SMAP1: variants seen among roughly 807,000 people sequenced by gnomAD.
The protein encoded by SMAP1 is small ArfGAP 1, also known as stromal membrane-associated protein 1.
Under a neutral mutation model 58.5 loss-of-function variants are expected in SMAP1, and 24 were observed. The ratio of observed to expected loss-of-function variants is 0.41; its 90% confidence interval spans 0.30 to 0.58. The LOEUF is 0.58. Among genes scored for constraint, SMAP1 ranks in the 20% least tolerant of loss-of-function variants. The probability of loss-of-function intolerance (pLI) is 0.29; values close to 1 mark genes in which losing one functional copy is unlikely to be tolerated. For synonymous variants in SMAP1, 216 were observed against 196.6 expected (o/e 1.10, Z -0.82); for missense variants, 563 against 566.3 (o/e 0.99, Z 0.06).
chr6:70,821,610 G>T (rs1191757618), intron 6 of SMAP1, among the ~76,000 whole-genome samples: 1 of 152,116 alleles, frequency 6.6e-6, no homozygotes, highest in Admixed American at 6.5e-5. Context: ...AGCCAAGATG[G>T]TTTGCTCTGT....
chr6:70,787,630 G>T (rs1410252742), intron 4 of SMAP1, among the ~76,000 whole-genome samples: 1 of 152,234 alleles, frequency 6.6e-6, no homozygotes, highest in Admixed American at 6.5e-5. Flanking sequence ...CCATCAAAAA[G>T]TGGGCAAAGG....
At chr6:70,680,714 T>G (rs1766668149) in intron 1 of SMAP1, among the ~76,000 whole-genome samples, 3 of 42,584 alleles carry the variant, frequency 7.0e-5, no homozygotes, top group Non-Finnish European at 1.4e-4. Flanking sequence ...GATTTCCTGT[T>G]TTTTTTTTTT....
chr6:70,786,742 T>TA (rs1768052913), intron 4 of SMAP1, among the ~76,000 whole-genome samples: 1 of 152,088 alleles, frequency 6.6e-6, no homozygotes, highest in African/African-American at 2.4e-5. Flanking sequence ...AAATCCAACT[T>TA]ACAAAGGATG....
intron 1 of SMAP1, among the ~76,000 whole-genome samples, chr6:70,676,120 T>G (rs1393451866): frequency 6.6e-6 from 1 of 152,232 alleles, no homozygotes; most frequent in Non-Finnish European, 1.5e-5. Context: ...CCCGGACGCT[T>G]GCTCCTAATT....
At chr6:70,843,052 C>A (rs1397836536) in intron 7 of SMAP1, among the ~76,000 whole-genome samples, 1 of 152,054 alleles carries the variant, frequency 6.6e-6, no homozygotes, top group African/African-American at 2.4e-5. Flanking sequence ...CAGCAAGAAG[C>A]GCCCAGATGG....
intron 1 of SMAP1, among the ~76,000 whole-genome samples, chr6:70,668,992 C>G (rs1766154212): frequency 6.6e-6 from 1 of 151,942 alleles, no homozygotes; most frequent in Non-Finnish European, 1.5e-5. Flanking sequence ...TTAGTTTTTT[C>G]GGTTGGAGGG....
intron 4 of SMAP1, among the ~76,000 whole-genome samples, chr6:70,781,146 C>T (rs928187227): frequency 1.6e-4 from 25 of 152,116 alleles, no homozygotes; most frequent in African/African-American, 5.8e-4. Flanking sequence ...TTATAGGACA[C>T]CCCAATAGAG....
At chr6:70,783,661 G>C (rs1767867584) in intron 4 of SMAP1, among the ~76,000 whole-genome samples, 1 of 152,170 alleles carries the variant, frequency 6.6e-6, no homozygotes. Flanking sequence ...GAATGCAGAA[G>C]CCTCAGGAGC....
At chr6:70,848,721 A>G (rs1055339543) in intron 7 of SMAP1, among the ~76,000 whole-genome samples, 4 of 152,256 alleles carry the variant, frequency 2.6e-5, no homozygotes, top group African/African-American at 7.2e-5. Context: ...GTTTATAATG[A>G]TGGTAATGAT....
chr6:70,738,615 GA>G (rs1032255633), intron 2 of SMAP1, among the ~76,000 whole-genome samples: 1 of 152,064 alleles, frequency 6.6e-6, no homozygotes, highest in African/African-American at 2.4e-5. Flanking sequence ...ATCTTTCCTA[GA>G]AAAAATTTCT....
intron 7 of SMAP1, among the ~76,000 whole-genome samples, chr6:70,850,350 T>C (rs1042202933): frequency 1.3e-5 from 2 of 152,074 alleles, no homozygotes; most frequent in African/African-American, 4.8e-5. Flanking sequence ...TTTTTTTCCA[T>C]AAATTTGTCT....
At position 70,858,120 on chromosome 6, in the gene SMAP1, T is replaced by C; in HGVS notation, c.1160T>C (p.Leu387Pro). 1 of 1,613,964 alleles carries C rather than the reference T, an allele frequency of 6.2e-7. No homozygotes were observed. The highest frequency in any genetic ancestry group is 8.5e-7 in the Non-Finnish European group (1 of 1,179,966). The change falls in exon 10 of 11, where the codon CTT (leucine) becomes CCT (proline). Residue 387 changes from leucine (L) to proline (P), a missense_variant. Transcript: ENST00000370455. ...MGNAQTGVMP[L>P]PQNVVGPQGG... ...AATGCACAAACTGGTGTGATGCCAC[T>C]TCCTCAGAACGTTGTTGGCCCCCAA... is the stretch of plus-strand genomic sequence containing the variant.
intron 4 of SMAP1, among the ~76,000 whole-genome samples, chr6:70,776,682 C>G (rs1345976680): frequency 6.6e-6 from 1 of 152,182 alleles, no homozygotes; most frequent in Non-Finnish European, 1.5e-5. Flanking sequence ...CATAGTTCTT[C>G]CCTCTACTTC....
At chr6:70,808,399 G>C (rs1332622265) in intron 6 of SMAP1, among the ~76,000 whole-genome samples, 2 of 152,222 alleles carry the variant, frequency 1.3e-5, no homozygotes, top group African/African-American at 4.8e-5. Context: ...AAAGCAGTAA[G>C]TGAATGTGTT....
At position 70,774,563 on chromosome 6, in the gene SMAP1, TA is replaced by T. The variant is rs567838057; in HGVS notation, c.414+1145del. On this transcript the variant is annotated intron_variant, in intron 4 of 10. Transcript: ENST00000370455. ...TATTTTAATATGCTATCTTTGGCCA[TA>T]AAAAAATCTTGTTAAAAAAGTTTTT... Among the ~76,000 whole-genome samples, 557 of 152,202 alleles carry T rather than the reference TA, an allele frequency of 3.7e-3. 5 individuals are homozygous for T. Among genetic ancestry groups the T allele is most frequent in the African/African-American group, 0.013 (529 of 41,532 alleles).
chr6:70,849,183 G>T (rs1030251634), intron 7 of SMAP1, among the ~76,000 whole-genome samples: 1 of 152,108 alleles, frequency 6.6e-6, no homozygotes, highest in Non-Finnish European at 1.5e-5. Context: ...TTTTGGGGGG[G>T]TATGAAAAAG....
At chr6:70,837,836 G>C (rs1161340569) in intron 7 of SMAP1, 1 of 1,277,262 alleles carries the variant, frequency 7.8e-7, no homozygotes, top group Non-Finnish European at 1.0e-6. Flanking sequence ...AAGTGGAAGA[G>C]TTGACCTTCA....
intron 1 of SMAP1, among the ~76,000 whole-genome samples, chr6:70,684,249 G>T (rs118170463): frequency 6.6e-6 from 1 of 152,164 alleles, no homozygotes; most frequent in Non-Finnish European, 1.5e-5. Context: ...TGTAAATAGC[G>T]TGGAAATAAG....
chr6:70,782,946 C>T (rs1167008244), intron 4 of SMAP1, among the ~76,000 whole-genome samples: 1 of 152,128 alleles, frequency 6.6e-6, no homozygotes, highest in Non-Finnish European at 1.5e-5. Flanking sequence ...AGTCGTTCTC[C>T]CAGCACGCAG....
Sources: gnomAD v4.1 joint callset for allele counts (sites outside exome capture counted in the v4.1 genomes callset) on GRCh38, gnomAD v4.1.1 for gene constraint, MANE v1.5 for transcripts, NCBI Gene and HGNC (gene_info 2026-07-23, HGNC 2026-07-21) for gene names.